CSPG5: variants seen among roughly 807,000 people sequenced by gnomAD.
The protein encoded by CSPG5 is acidic leucine-rich EGF-like domain-containing brain protein.
A neutral mutation model predicts 39.8 loss-of-function variants in CSPG5; 25 were observed. The ratio of observed to expected loss-of-function variants is 0.63; its 90% CI spans 0.46 to 0.88. The LOEUF is 0.88. Ranked by LOEUF, CSPG5 falls within the 40% of genes least tolerant of loss-of-function variation. The pLI, the probability that CSPG5 is intolerant of heterozygous loss-of-function variation, is 0.00. For synonymous variants in CSPG5, 295 were observed against 303.9 expected, an observed-to-expected ratio of 0.97 and a Z score of 0.31; for missense variants, 627 against 702.2, an observed-to-expected ratio of 0.89 and a Z score of 1.21.
intron 4 of CSPG5, among the ~76,000 whole-genome samples, chr3:47,565,848 T>C (rs1443024939): frequency 1.3e-5 from 2 of 152,160 alleles, no homozygotes; most frequent in Non-Finnish European, 2.9e-5. Context: ...CTGCCCTGGG[T>C]TTCTGGTGGC....
At position 47,578,664 on chromosome 3, in the gene CSPG5, G is replaced by T. The variant is rs2031878425; in HGVS notation, c.30C>A (p.Gly10=). ...ACAGCAGCAGTGGCGGCGGCCCCCG[G>T]CCCGGGCCCCCGCCCCCGGCTCGCC... MGRAGGGGP[G]RGPPPLLLFL... The change falls in exon 1 of 5, where the codon GGC becomes GGA. Residue 10 remains glycine (G), a synonymous_variant. Transcript: ENST00000264723. The surrounding 1 kb of genome is among the most constrained non-coding windows in gnomAD (Gnocchi z 6.0). 5 of 1,093,030 alleles carry T rather than the reference G, an allele frequency of 4.6e-6. No individual in the cohort carries two copies. The highest frequency in any genetic ancestry group is 5.6e-6 in the Non-Finnish European group (5 of 894,000). The allele number at this position is 1,093,030 out of a possible 1,614,324, so 67.7% of individuals were successfully genotyped here.
Position 47,577,814 on chromosome 3 carries a change from T to A in CSPG5, c.212A>T (p.Asp71Val). Residue 71 changes from aspartate to valine, a missense_variant, in exon 2 of 5, where the codon GAT becomes GTT. Asp to Val is a radical substitution (Grantham distance 152, BLOSUM62 -3). Transcript: ENST00000264723. The surrounding 1 kb of genome is among the most constrained non-coding windows in gnomAD (Gnocchi z 4.7). ...ACCGGGCGCCGTCCACGACGCCTCA[T>A]CTTCCCCAGCCGCTGGTGGGCCGGC... ...EEAGPPAAGE[D>V]EASWTAPGGE... The A allele has an allele frequency of 1.3e-5, 21 of 1,576,946 alleles. No homozygotes were observed. Among genetic ancestry groups the A allele is most frequent in the Non-Finnish European group, 1.8e-5 (21 of 1,170,880 alleles).
At chr3:47,562,794 C>A (rs369537090) in intron 4 of CSPG5, 33 bp from the exon 5 acceptor site, 16 of 1,535,752 alleles carry the variant, frequency 1.0e-5, no homozygotes, top group African/African-American at 8.2e-5. Flanking sequence ...GGGGGGGAGA[C>A]AATGCATACA....
chr3:47,572,048 A>T lies in CSPG5; in HGVS notation c.1382+638T>A, dbSNP rs1263599361. Among the ~76,000 whole-genome samples, 3 of 152,182 alleles carry T rather than the reference A, an allele frequency of 2.0e-5. No homozygotes were observed. Among genetic ancestry groups the T allele is most frequent in the Non-Finnish European group, 4.4e-5 (3 of 68,018 alleles). On this transcript the variant is annotated intron_variant, in intron 3 of 4. Coordinates refer to ENST00000264723, the MANE Select transcript of CSPG5 (RefSeq NM_006574.4). This position sits in a 1 kb window ranked among gnomAD's most constrained non-coding sequence, Gnocchi z 4.5. Reference sequence around the variant, plus strand: ...AGATTCTACATCCCGTATGGCCCTTAAAATCCACAGTAGAGGAAGTTAACC... The same window carrying T: ...AGATTCTACATCCCGTATGGCCCTTTAAATCCACAGTAGAGGAAGTTAACC...
Position 47,578,472 on chromosome 3 carries a change from C to G in CSPG5, c.97+125G>C. On this transcript the variant is annotated intron_variant, in intron 1 of 4. Transcript: ENST00000264723. This position sits in a 1 kb window ranked among gnomAD's most constrained non-coding sequence, Gnocchi z 6.0. ...TCCTGGGACCATTCCGCCGCCCGGC[C>G]GCGGCCAGGCGGTGCCCCGCCCCCT... 1 of 267,556 alleles carries G rather than the reference C, an allele frequency of 3.7e-6. No homozygotes were observed. The highest frequency in any genetic ancestry group is 6.7e-6 in the Non-Finnish European group (1 of 148,650). The allele number at this position is 267,556 out of a possible 1,614,324, so 16.6% of individuals were successfully genotyped here. A position where few individuals can be genotyped will look rare whatever the true frequency, so the allele number is the denominator to read the frequency against.
At chr3:47,563,861 C>T (rs1156716206) in intron 4 of CSPG5, among the ~76,000 whole-genome samples, 1 of 152,158 alleles carries the variant, frequency 6.6e-6, no homozygotes, top group Non-Finnish European at 1.5e-5. Context: ...CTTGAATTTG[C>T]CTCTTAAAGG....
chr3:47,578,017 C>A lies in CSPG5; in HGVS notation c.98-89G>T. On this transcript the variant is annotated intron_variant, in intron 1 of 4. Coordinates refer to ENST00000264723, the MANE Select transcript of CSPG5 (RefSeq NM_006574.4). The surrounding 1 kb of genome is among the most constrained non-coding windows in gnomAD (Gnocchi z 6.0). ...GCCCGCCCCGGTCAGGCCCGCTCGC[C>A]TAGACCTGGTCAACCCAGACCTCGC... is the stretch of plus-strand genomic sequence containing the variant. 2 of 1,347,348 alleles carry A rather than the reference C, an allele frequency of 1.5e-6. No individual in the cohort carries two copies. Among genetic ancestry groups the A allele is most frequent in the Non-Finnish European group, 1.9e-6 (2 of 1,057,196 alleles). 83.5% of individuals were successfully genotyped at this position (1,347,348 alleles called of 1,614,324 possible). A position where few individuals can be genotyped will look rare whatever the true frequency, so the allele number is the denominator to read the frequency against.
chr3:47,562,811 A>G, intron 4 of CSPG5, 50 bp from the exon 5 acceptor site: 1 of 1,487,820 alleles, frequency 6.7e-7, no homozygotes, highest in Non-Finnish European at 9.1e-7. Context: ...TACAGCAACC[A>G]AATAATAATA....
In CSPG5 at chr3:47,578,422, C is replaced by G; in HGVS notation, c.97+175G>C. ...AACCGGGGTCGGCCCCCACGCGGGT[C>G]GGCCTTTCCCGGACCCCCACCACCT... On this transcript the variant is annotated intron_variant, in intron 1 of 4. Transcript: ENST00000264723. This position sits in a 1 kb window ranked among gnomAD's most constrained non-coding sequence, Gnocchi z 6.0. Among the ~76,000 whole-genome samples, 1 of 147,864 alleles carries G rather than the reference C, an allele frequency of 6.8e-6. No individual in the cohort carries two copies. Among genetic ancestry groups the G allele is most frequent in the East Asian group, 2.1e-4 (1 of 4,708 alleles).
At chr3:47,569,785 T>C (rs1352327911) in intron 3 of CSPG5, among the ~76,000 whole-genome samples, 1 of 151,586 alleles carries the variant, frequency 6.6e-6, no homozygotes, top group African/African-American at 2.4e-5. Flanking sequence ...TCTCACTCTG[T>C]TGCCCAGGCT....
Position 47,562,625 on chromosome 3 carries a change from T to G in CSPG5, c.1595A>C (p.Asn532Thr). Residue 532 changes from asparagine to threonine, a missense_variant, in exon 5 of 5, where the codon AAC becomes ACC. Transcript: ENST00000264723. Reference protein sequence around the residue: ...GKGDQADLDVNCLQNNLT With the variant: ...GKGDQADLDVTCLQNNLT ...TTAGGTTAAATTATTCTGAAGACAG[T>G]TCACATCCAAGTCAGCCTGGTCACC... The G allele has an allele frequency of 6.2e-7, 1 of 1,613,746 alleles. No individual in the cohort carries two copies. Among genetic ancestry groups the G allele is most frequent in the Non-Finnish European group, 8.5e-7 (1 of 1,179,936 alleles).
At chr3:47,569,658 C>A (rs1242106570) in intron 3 of CSPG5, among the ~76,000 whole-genome samples, 1 of 150,794 alleles carries the variant, frequency 6.6e-6, no homozygotes, top group Non-Finnish European at 1.5e-5. Flanking sequence ...GTATTTCTTT[C>A]TTTATTAAAA....
intron 2 of CSPG5, among the ~76,000 whole-genome samples, chr3:47,574,172 G>A (rs1323049007): frequency 6.6e-6 from 1 of 152,208 alleles, no homozygotes; most frequent in Non-Finnish European, 1.5e-5. Context: ...GGCAGTGAGA[G>A]GCTGGTAGAC....
At chr3:47,562,827 GT>G in intron 4 of CSPG5, 66 bp from the exon 5 acceptor site, 2 of 1,433,510 alleles carry the variant, frequency 1.4e-6, no homozygotes, top group Non-Finnish European at 1.9e-6. Flanking sequence ...TAATATCAGC[GT>G]TTTCTATCTG....
At position 47,572,994 on chromosome 3, in the gene CSPG5, A is replaced by C. The variant is rs535688322; in HGVS notation, c.1194-120T>G. 8 of 764,868 alleles carry C rather than the reference A, an allele frequency of 1.0e-5. No individual in the cohort carries two copies. In the African/African-American group the frequency reaches 1.2e-4, roughly 12 times the overall value. The allele number at this position is 764,868 out of a possible 1,614,324, so 47.4% of individuals were successfully genotyped here. ...CCTGTTCCGAAGGCCATCTAGAGGA[A>C]CTGCAATGCTCCGAATCTGCACAGA... On this transcript the variant is annotated intron_variant, in intron 2 of 4. Coordinates refer to ENST00000264723, the MANE Select transcript of CSPG5 (RefSeq NM_006574.4). This position sits in a 1 kb window ranked among gnomAD's most constrained non-coding sequence, Gnocchi z 4.5.
rs138618029 is a variant in CSPG5, at chr3:47,576,955, A to C, written c.1071T>G (p.Thr357=). The C allele has an allele frequency of 6.9e-5, 112 of 1,613,738 alleles. No individual in the cohort carries two copies. The highest frequency in any genetic ancestry group is 9.3e-5 in the Non-Finnish European group (110 of 1,179,812). ...GRDLASSENG[T]ECRSGFVRHN... ...GCCGCACAAAGCCACTGCGGCACTCAGTGCCATTTTCACTGGAGGCCAAGT... is the reference window on the plus strand; with the variant it reads ...GCCGCACAAAGCCACTGCGGCACTCCGTGCCATTTTCACTGGAGGCCAAGT... The change falls in exon 2 of 5, where the codon ACT becomes ACG. Residue 357 remains threonine, a synonymous_variant. Coordinates refer to ENST00000264723, the MANE Select transcript of CSPG5 (RefSeq NM_006574.4).
In CSPG5 at chr3:47,578,569, C is replaced by T. The variant is rs2108213196; in HGVS notation, c.97+28G>A. Reference sequence around the variant, plus strand: ...TGCCCTGGGTGGGGCACGAGGGCCGCGGGGGTCCCGGGCGCAGTCATACCT... The same window carrying T: ...TGCCCTGGGTGGGGCACGAGGGCCGTGGGGGTCCCGGGCGCAGTCATACCT... On this transcript the variant is annotated intron_variant, in intron 1 of 4. Transcript: ENST00000264723. The surrounding 1 kb of genome is among the most constrained non-coding windows in gnomAD (Gnocchi z 6.0). 2 of 921,298 alleles carry T rather than the reference C, an allele frequency of 2.2e-6. No homozygotes were observed. Among genetic ancestry groups the T allele is most frequent in the South Asian group, 5.1e-5 (1 of 19,748 alleles). 57.1% of individuals were successfully genotyped at this position (921,298 alleles called of 1,614,324 possible).
At chr3:47,569,089 A>T in intron 4 of CSPG5, 63 bp downstream of exon 4, 1 of 1,549,194 alleles carries the variant, frequency 6.5e-7, no homozygotes. Flanking sequence ...TAACGTTATC[A>T]TAGTGAGCCA....
chr3:47,565,488 T>G (rs936815671), intron 4 of CSPG5, among the ~76,000 whole-genome samples: 4 of 152,100 alleles, frequency 2.6e-5, no homozygotes, highest in Non-Finnish European at 4.4e-5. Context: ...ACATCTGGCA[T>G]AAGTTCCTAG....
Sources: gnomAD v4.1 joint callset for allele counts (sites outside exome capture counted in the v4.1 genomes callset) on GRCh38, gnomAD v4.1.1 for gene constraint, Gnocchi (gnomAD v3.1) non-coding constraint, MANE v1.5 for transcripts, NCBI Gene and HGNC (gene_info 2026-07-23, HGNC 2026-07-21) for gene names.